ZFYVE28: variants seen among roughly 807,000 people sequenced by gnomAD.
The protein encoded by ZFYVE28 is zinc finger FYVE-type containing 28, also known as lateral signaling target protein 2 homolog.
In ZFYVE28, 40 loss-of-function variants were observed where a neutral mutation model predicts 82.1. The observed-to-expected ratio is 0.49, with a 90% CI of 0.38 to 0.63. The LOEUF (loss-of-function observed/expected upper bound fraction) is 0.63, where lower values mean the gene tolerates loss of function less well. Ranked by LOEUF, ZFYVE28 falls within the 30% of genes least tolerant of loss-of-function variation. The pLI, the probability that ZFYVE28 is intolerant of heterozygous loss-of-function variation, is 0.00. For missense variants in ZFYVE28, 1,321 were observed against 1,242.1 expected, an observed-to-expected ratio of 1.06 and a Z score of -0.96; for synonymous variants, 612 against 546.1, an observed-to-expected ratio of 1.12 and a Z score of -1.68.
At position 2,322,625 on chromosome 4, in the gene ZFYVE28, A is replaced by G. The variant is rs577274184; in HGVS notation, c.702-2354T>C. ...TTTCAAATAAATTCATATAACGAAC[A>G]ACTGTTTTAAAGGGTATGATTCTGA... On this transcript the variant is annotated intron_variant, in intron 6 of 12. Coordinates refer to ENST00000290974, the MANE Select transcript of ZFYVE28 (RefSeq NM_020972.3). 2.0e-3 allele frequency among the ~76,000 whole-genome samples: 303 copies of G among 152,202 alleles called. 1 individual carries two copies. Among genetic ancestry groups the G allele is most frequent in the Non-Finnish European group, 2.8e-3 (191 of 68,006 alleles).
intron 2 of ZFYVE28, among the ~76,000 whole-genome samples, chr4:2,351,809 C>A (rs1385443908): frequency 6.6e-6 from 1 of 152,230 alleles, no homozygotes; most frequent in African/African-American, 2.4e-5. Context: ...TAAACTGGGG[C>A]TCCCATGGCC....
At chr4:2,392,422 A>C (rs1729940477) in intron 1 of ZFYVE28, among the ~76,000 whole-genome samples, 1 of 152,234 alleles carries the variant, frequency 6.6e-6, no homozygotes, top group African/African-American at 2.4e-5. Context: ...AATGGGACAA[A>C]AAGTATTAAT....
At chr4:2,411,072 T>C (rs1016119462) in intron 1 of ZFYVE28, among the ~76,000 whole-genome samples, 7 of 152,196 alleles carry the variant, frequency 4.6e-5, no homozygotes, top group Non-Finnish European at 7.3e-5. Context: ...TTGGGTGTGC[T>C]AGCCCAGTCT....
intron 1 of ZFYVE28, among the ~76,000 whole-genome samples, chr4:2,379,947 C>A (rs1222312756): frequency 1.3e-5 from 2 of 151,972 alleles, no homozygotes; most frequent in African/African-American, 4.8e-5. Context: ...GCCACAGTAC[C>A]CAGCTAATTT....
At chr4:2,351,597 C>T (rs574718123) in intron 2 of ZFYVE28, among the ~76,000 whole-genome samples, 1 of 152,294 alleles carries the variant, frequency 6.6e-6, no homozygotes, top group South Asian at 2.1e-4. Context: ...GCCTGTAATC[C>T]CAGCTACTCA....
intron 1 of ZFYVE28, among the ~76,000 whole-genome samples, chr4:2,410,041 G>T (rs1359674280): frequency 6.6e-6 from 1 of 152,118 alleles, no homozygotes; most frequent in Non-Finnish European, 1.5e-5. Flanking sequence ...TTATTCAGGG[G>T]CAAAACACCT....
At chr4:2,337,906 A>G (rs1464344000) in intron 4 of ZFYVE28, among the ~76,000 whole-genome samples, 1 of 124,332 alleles carries the variant, frequency 8.0e-6, no homozygotes, top group African/African-American at 3.4e-5. Flanking sequence ...CCACCATCCC[A>G]TTTCGGCAGT....
intron 2 of ZFYVE28, among the ~76,000 whole-genome samples, chr4:2,353,496 CG>C (rs2108882190): frequency 6.6e-6 from 1 of 152,290 alleles, no homozygotes; most frequent in African/African-American, 2.4e-5. Flanking sequence ...AAGAAAACCT[CG>C]GCCAGGGTAT....
rs1560269692 is a variant in ZFYVE28 at position 2,355,228 on chromosome 4, AT to A, written c.40-1156del. On this transcript the variant is annotated intron_variant, in intron 1 of 12. Transcript: ENST00000290974. ...TATATATATATATATATATATATAT[AT>A]ATATATATATATATATATATATATA... 4.6e-3 allele frequency among the ~76,000 whole-genome samples: 69 copies of A among 14,922 alleles called. 8 individuals are homozygous for A. The highest frequency in any genetic ancestry group is 0.013 in the African/African-American group (45 of 3,526). The allele number at this position is 14,922 out of a possible 152,430, so 9.8% of individuals were successfully genotyped here.
chr4:2,277,067 G>A (rs1194517669), intron 8 of ZFYVE28, among the ~76,000 whole-genome samples: 6 of 152,338 alleles, frequency 3.9e-5, no homozygotes, highest in African/African-American at 9.6e-5. Flanking sequence ...GCAGAAGGCC[G>A]GATTGGCGTG....
intron 2 of ZFYVE28, among the ~76,000 whole-genome samples, chr4:2,347,873 T>C (rs1305106378): frequency 6.6e-6 from 1 of 152,060 alleles, no homozygotes; most frequent in Non-Finnish European, 1.5e-5. Flanking sequence ...AAAGGTTCTG[T>C]TTTTAAGTCT....
At chr4:2,357,460 G>T (rs77223895) in intron 1 of ZFYVE28, among the ~76,000 whole-genome samples, 1,601 of 152,314 alleles carry the variant, frequency 0.011, 28 homozygotes, top group African/African-American at 0.036. Context: ...GCCTGCCCAA[G>T]GCCTGCATGA....
chr4:2,325,722 C>A (rs1719768051), intron 6 of ZFYVE28, among the ~76,000 whole-genome samples: 1 of 151,718 alleles, frequency 6.6e-6, no homozygotes, highest in Non-Finnish European at 1.5e-5. Context: ...TCGTCTTAGC[C>A]TCCGAAGTGG....
chr4:2,305,620 A>G, intron 7 of ZFYVE28, 84 bp from the exon 8 acceptor site: 4 of 1,505,278 alleles, frequency 2.7e-6, no homozygotes, highest in Non-Finnish European at 3.6e-6. Flanking sequence ...AGCACCCTGG[A>G]GTCTGCACCA....
chr4:2,303,577 C>G (rs1214240186), intron 8 of ZFYVE28, among the ~76,000 whole-genome samples: 1 of 152,162 alleles, frequency 6.6e-6, no homozygotes, highest in Non-Finnish European at 1.5e-5. Flanking sequence ...ACAACGCAGC[C>G]ATGAGTGACC....
Position 2,274,157 on chromosome 4 carries a change from G to T in ZFYVE28, c.2111C>A (p.Ala704Asp). 6.2e-7 allele frequency: 1 copy of T among 1,613,686 alleles called. No homozygotes were observed. The highest frequency in any genetic ancestry group is 8.5e-7 in the Non-Finnish European group (1 of 1,179,988). ...DKMGPEAAPA[A>D]THAAPQATRE... ...TGTGGCCTGTGGGGCAGCATGCGTGGCTGCTGGGGCCGCCTCTGGCCCCAT... is the reference window on the plus strand; with the variant it reads ...TGTGGCCTGTGGGGCAGCATGCGTGTCTGCTGGGGCCGCCTCTGGCCCCAT... Residue 704 changes from alanine to aspartate, a missense_variant, in exon 9 of 13, where the codon GCC becomes GAC. Around this residue, in one of 2 missense-constraint regions of ZFYVE28, gnomAD observed 978 missense variants for 833.7 expected, o/e 1.17. Transcript: ENST00000290974.
chr4:2,293,111 A>C (rs1248880929), intron 8 of ZFYVE28, among the ~76,000 whole-genome samples: 1 of 152,190 alleles, frequency 6.6e-6, no homozygotes, highest in Non-Finnish European at 1.5e-5. Flanking sequence ...AAAAAAAAAA[A>C]AACCTCTTAG....
In ZFYVE28 at chr4:2,321,850, G is replaced by A. The variant is rs989028416; in HGVS notation, c.702-1579C>T. 1.3e-4 allele frequency among the ~76,000 whole-genome samples: 20 copies of A among 152,134 alleles called. 1 individual carries two copies. The highest frequency in any genetic ancestry group is 3.4e-4 in the African/African-American group (14 of 41,428). On this transcript the variant is annotated intron_variant, in intron 6 of 12. Coordinates refer to ENST00000290974, the MANE Select transcript of ZFYVE28 (RefSeq NM_020972.3). Reference sequence around the variant, plus strand: ...GCTCCTGCCTGTGCCGGGCAGCAGCGTGGCCGAGGGAGGACCCAGCTGCCC... The same window carrying A: ...GCTCCTGCCTGTGCCGGGCAGCAGCATGGCCGAGGGAGGACCCAGCTGCCC...
intron 8 of ZFYVE28, among the ~76,000 whole-genome samples, chr4:2,282,384 G>C (rs1712080689): frequency 6.6e-6 from 1 of 152,202 alleles, no homozygotes; most frequent in Non-Finnish European, 1.5e-5. Context: ...TAGGCCACAG[G>C]ACAGTGGCCA....
Sources: allele counts gnomAD v4.1 joint callset (sites outside exome capture counted in the v4.1 genomes callset), GRCh38; gene constraint gnomAD v4.1.1; regional missense constraint gnomAD v4.1.1; transcripts MANE v1.5; gene names NCBI Gene and HGNC (gene_info 2026-07-23, HGNC 2026-07-21).